Variants in EXOC6B observed in about 807,000 individuals in gnomAD.
EXOC6B encodes exocyst complex component 6B.
A neutral mutation model predicts 113.5 loss-of-function variants in EXOC6B; 54 were observed. That is an observed-to-expected ratio of 0.48 (90% confidence interval 0.38 to 0.60). The LOEUF (loss-of-function observed/expected upper bound fraction) is 0.60. Ranked by LOEUF, EXOC6B falls within the 20% of genes least tolerant of loss-of-function variation. The pLI is 0.00. For missense variants in EXOC6B, 797 were observed against 977.5 expected (o/e 0.82, Z 2.46); for synonymous variants, 357 against 339.0 (o/e 1.05, Z -0.58).
At chr2:72,643,786 A>G (rs1180813957) in intron 6 of EXOC6B, among the ~76,000 whole-genome samples, 2 of 151,456 alleles carry the variant, frequency 1.3e-5, no homozygotes, top group African/African-American at 2.4e-5. Context: ...AATTTAAAAA[A>G]AAAGAAGCAA....
intron 5 of EXOC6B, among the ~76,000 whole-genome samples, chr2:72,723,915 G>A (rs1470945610): frequency 1.3e-5 from 2 of 152,082 alleles, no homozygotes; most frequent in Admixed American, 6.5e-5. Flanking sequence ...AACAAACAAG[G>A]TGAGTTTAAT....
In EXOC6B at chr2:72,426,057, C is replaced by G. The variant is rs190137816; in HGVS notation, c.1980+39103G>C. On this transcript the variant is annotated intron_variant, in intron 18 of 21. Transcript: ENST00000272427. ...TGCAATTTTAATTTCAGGGATAGCC[C>G]TTCCCTCTATATCAATAACATTTCC... 2.9e-3 allele frequency among the ~76,000 whole-genome samples: 435 copies of G among 151,938 alleles called. 1 individual carries two copies. The highest frequency in any genetic ancestry group is 4.4e-3 in the African/African-American group (182 of 41,456).
intron 1 of EXOC6B, among the ~76,000 whole-genome samples, chr2:72,778,147 T>G (rs1394509888): frequency 4.1e-4 from 62 of 152,158 alleles, no homozygotes; most frequent in Admixed American, 3.9e-3. Context: ...GAGATTGACA[T>G]GATAAGCTGT....
intron 18 of EXOC6B, chr2:72,464,421 C>T (rs934911652): frequency 6.6e-6 from 1 of 152,224 alleles, no homozygotes; most frequent in East Asian, 1.9e-4. Context: ...ACAAAGTACA[C>T]TACAACTGCA....
chr2:72,576,114 G>A (rs1453208401), intron 6 of EXOC6B, among the ~76,000 whole-genome samples: 1 of 152,100 alleles, frequency 6.6e-6, no homozygotes, highest in African/African-American at 2.4e-5. Context: ...AAGGGTGGGG[G>A]CTTAGAATTA....
At chr2:72,335,121 A>AGGACCAAGCTT in intron 19 of EXOC6B, 101 bp from the exon 20 acceptor site, 1 of 1,039,472 alleles carries the variant, frequency 9.6e-7, no homozygotes, top group Non-Finnish European at 1.5e-6. Flanking sequence ...GGGGGAGAGG[A>AGGACCAAGCTT]GGACCAAGCT....
At chr2:72,402,119 C>A (rs975863630) in intron 18 of EXOC6B, among the ~76,000 whole-genome samples, 1 of 151,920 alleles carries the variant, frequency 6.6e-6, no homozygotes, top group Non-Finnish European at 1.5e-5. Context: ...CCACTGAAAC[C>A]ATCTAGTCTT....
At chr2:72,498,357 T>TG in intron 13 of EXOC6B, 97 bp downstream of exon 13, 1 of 725,176 alleles carries the variant, frequency 1.4e-6, no homozygotes, top group Non-Finnish European at 2.2e-6. Context: ...AACATATACT[T>TG]GTTGCCTATA....
At chr2:72,738,450 A>G (rs1385448792) in intron 2 of EXOC6B, among the ~76,000 whole-genome samples, 1 of 152,126 alleles carries the variant, frequency 6.6e-6, no homozygotes, top group East Asian at 1.9e-4. Context: ...TCATTTTTTA[A>G]CATGGATTTC....
intron 5 of EXOC6B, among the ~76,000 whole-genome samples, chr2:72,720,867 T>C (rs1208920538): frequency 2.2e-5 from 3 of 139,474 alleles, no homozygotes; most frequent in African/African-American, 5.3e-5. Context: ...GGACATTCCA[T>C]AAAAAAAAAA....
intron 18 of EXOC6B, among the ~76,000 whole-genome samples, chr2:72,436,948 T>C (rs1466400462): frequency 6.6e-6 from 1 of 152,212 alleles, no homozygotes; most frequent in Non-Finnish European, 1.5e-5. Context: ...CTCTTGCTTA[T>C]GAGGAACTGT....
intron 6 of EXOC6B, among the ~76,000 whole-genome samples, chr2:72,608,780 A>T (rs1298086867): frequency 2.0e-5 from 3 of 152,176 alleles, no homozygotes; most frequent in Admixed American, 2.0e-4. Flanking sequence ...AAAAAAGCAG[A>T]AGAGATGTGG....
At chr2:72,452,297 T>A (rs193099665) in intron 18 of EXOC6B, among the ~76,000 whole-genome samples, 3 of 152,342 alleles carry the variant, frequency 2.0e-5, no homozygotes, top group East Asian at 3.9e-4. Context: ...CATTCCAATC[T>A]CATCATAACA....
At chr2:72,361,837 C>T (rs1690333620) in intron 19 of EXOC6B, among the ~76,000 whole-genome samples, 1 of 152,148 alleles carries the variant, frequency 6.6e-6, no homozygotes, top group African/African-American at 2.4e-5. Flanking sequence ...AACTTTCAAA[C>T]TTTTCAGGAA....
chr2:72,448,465 T>C (rs1305168131), intron 18 of EXOC6B, among the ~76,000 whole-genome samples: 1 of 152,210 alleles, frequency 6.6e-6, no homozygotes, highest in East Asian at 1.9e-4. Context: ...GTCTGCTTCA[T>C]ATATTTTTAT....
At chr2:72,276,141 G>C (rs1039717073) in intron 20 of EXOC6B, among the ~76,000 whole-genome samples, 5 of 152,176 alleles carry the variant, frequency 3.3e-5, no homozygotes, top group African/African-American at 1.2e-4. Context: ...GGCCATTTTA[G>C]TGAGGTGATT....
intron 18 of EXOC6B, among the ~76,000 whole-genome samples, chr2:72,454,414 C>T (rs918685035): frequency 1.3e-5 from 2 of 151,892 alleles, no homozygotes; most frequent in African/African-American, 2.4e-5. Context: ...CTGTTGTGGG[C>T]GGATTGCTTG....
chr2:72,612,064 C>T (rs1671105690), intron 6 of EXOC6B, among the ~76,000 whole-genome samples: 1 of 152,046 alleles, frequency 6.6e-6, no homozygotes, highest in African/African-American at 2.4e-5. Flanking sequence ...GGGTGGATCA[C>T]TTGAGGCCGT....
intron 16 of EXOC6B, among the ~76,000 whole-genome samples, chr2:72,485,659 T>C (rs1053499507): frequency 5.9e-5 from 9 of 152,214 alleles, no homozygotes; most frequent in African/African-American, 2.2e-4. Context: ...TATATTTGAC[T>C]AGACTTAAGT....
Sources: gnomAD v4.1 joint callset for allele counts (sites outside exome capture counted in the v4.1 genomes callset) on GRCh38, gnomAD v4.1.1 for gene constraint, MANE v1.5 for transcripts, NCBI Gene and HGNC (gene_info 2026-07-23, HGNC 2026-07-21) for gene names.